GSTA1: variants seen among roughly 807,000 people sequenced by gnomAD.
GSTA1 encodes glutathione S-transferase alpha 1, also known as glutathione S-transferase A1.
A neutral mutation model predicts 21.5 loss-of-function variants in GSTA1; 23 were observed. That is an observed-to-expected ratio of 1.07 (90% CI 0.77 to 1.52). The LOEUF (loss-of-function observed/expected upper bound fraction) is 1.52. Ranked by LOEUF, GSTA1 falls within the 40% of genes most tolerant of loss-of-function variation. GSTA1 has a pLI of 0.00. For missense variants in GSTA1, 301 were observed against 264.2 expected (o/e 1.14, Z -0.96); for synonymous variants, 125 against 90.0 (o/e 1.39, Z -2.20).
chr6:52,795,446 AG>A (rs1763553973), intron 4 of GSTA1, among the ~76,000 whole-genome samples: 1 of 152,192 alleles, frequency 6.6e-6, no homozygotes, highest in Admixed American at 6.5e-5. Context: ...TAAAATATAT[AG>A]TGTGGATGTA....
In GSTA1 at chr6:52,796,267, T is replaced by A; in HGVS notation, c.187A>T (p.Met63Leu). 3 of 1,613,572 alleles carry A rather than the reference T, an allele frequency of 1.9e-6. No homozygotes were observed. The highest frequency in any genetic ancestry group is 2.5e-6 in the Non-Finnish European group (3 of 1,179,924). The change falls in exon 4 of 7, where the codon ATG (methionine) becomes TTG (leucine). Residue 63 changes from methionine (M) to leucine (L), a missense_variant. Coordinates refer to ENST00000334575, the MANE Select transcript of GSTA1 (RefSeq NM_145740.5). ...ATGGCTCTGGTCTGCACCAGCTTCA[T>A]CCCATCAATCTCAACCATTGGCACT... Reference protein sequence around the residue: ...QQVPMVEIDGMKLVQTRAILN... With the variant: ...QQVPMVEIDGLKLVQTRAILN...
chr6:52,799,411 A>G, intron 1 of GSTA1, 114 bp from the exon 2 acceptor site: 4 of 691,160 alleles, frequency 5.8e-6, no homozygotes, highest in Non-Finnish European at 9.5e-6. Flanking sequence ...CTTCTTCATG[A>G]CTGTGTTGGA....
chr6:52,802,340 T>C (rs896376794), intron 1 of GSTA1, among the ~76,000 whole-genome samples: 47 of 152,008 alleles, frequency 3.1e-4, no homozygotes, highest in African/African-American at 1.0e-3. Context: ...TGAGATAAAC[T>C]ATGACTCCTT....
chr6:52,794,009 T>C (rs1581793186), intron 5 of GSTA1, 116 bp downstream of exon 5: 7 of 1,260,810 alleles, frequency 5.6e-6, no homozygotes, highest in Non-Finnish European at 8.0e-6. Flanking sequence ...GAGTGCTGCA[T>C]TGGTGTTCAG....
rs117087749 is a variant in GSTA1, at chr6:52,791,671, A to T, written c.*187T>A. 1,075 of 666,376 alleles carry T rather than the reference A, an allele frequency of 1.6e-3. 15 individuals are homozygous for T. In the East Asian group the frequency reaches 0.028, roughly 17 times the overall value. The allele number at this position is 666,376 out of a possible 1,614,324, so 41.3% of individuals were successfully genotyped here. A position where few individuals can be genotyped will look rare whatever the true frequency, so the allele number is the denominator to read the frequency against. On this transcript the variant is annotated 3_prime_UTR_variant, in exon 7 of 7. Transcript: ENST00000334575. The stretch of plus-strand genomic sequence containing the variant: ...GATTGGAAATCTGAATTCACATCAG[A>T]TCCTAATGAAAACAAATCAATTTTA...
Position 52,797,634 on chromosome 6 carries a change from C to T in GSTA1, c.91G>A (p.Glu31Lys), listed in dbSNP as rs1222731521. ...WLLAAAGVEF[E>K]EKFIKSAEDL... ...TCTGCAGATTTTATAAATTTCTCTT[C>T]AAACTGGAAGCAGAAACAGTAAATA... Residue 31 changes from glutamate to lysine, a missense_variant, in exon 3 of 7, where the codon GAA (glutamate) becomes AAA (lysine). Physicochemically the swap from Glu to Lys is moderately conservative, Grantham distance 56 (BLOSUM62 1). Transcript: ENST00000334575. 1.2e-6 allele frequency: 2 copies of T among 1,606,092 alleles called. No individual in the cohort carries two copies. Among genetic ancestry groups the T allele is most frequent in the Non-Finnish European group, 8.5e-7 (1 of 1,173,200 alleles).
chr6:52,802,735 A>T (rs879853428), intron 1 of GSTA1, among the ~76,000 whole-genome samples: 7 of 152,098 alleles, frequency 4.6e-5, no homozygotes, highest in African/African-American at 7.2e-5. Flanking sequence ...ATCATCTATT[A>T]TCTGTCTTGT....
intron 1 of GSTA1, among the ~76,000 whole-genome samples, chr6:52,799,938 T>C (rs1763675833): frequency 6.6e-6 from 1 of 152,232 alleles, no homozygotes; most frequent in Admixed American, 6.5e-5. Context: ...ACTGTGAGAC[T>C]ACATTTGATC....
intron 1 of GSTA1, 89 bp from the exon 2 acceptor site, chr6:52,799,386 T>A (rs1326685241): frequency 2.5e-6 from 2 of 808,596 alleles, no homozygotes; most frequent in Non-Finnish European, 3.9e-6. Context: ...CCAACAATAC[T>A]GAAGAAGAAC....
intron 1 of GSTA1, among the ~76,000 whole-genome samples, chr6:52,802,563 C>T (rs1000916103): frequency 6.6e-6 from 1 of 152,162 alleles, no homozygotes; most frequent in African/African-American, 2.4e-5. Context: ...TATTGAGTAG[C>T]CCATGGATCC....
At position 52,791,943 on chromosome 6, in the gene GSTA1, T is replaced by G; in HGVS notation, c.584A>C (p.Lys195Thr). ...TGGGCTGCCAGGCTGTAGAAACTTC[T>G]TCACTGTGGGCAGGTTGCTGATTCT... ...KTRISNLPTV[K>T]KFLQPGSPRK... The change falls in exon 7 of 7, where the codon AAG becomes ACG. Residue 195 changes from lysine (K) to threonine (T), a missense_variant. Physicochemically the swap from Lys to Thr is moderately conservative, Grantham distance 78 (BLOSUM62 -1). Coordinates refer to ENST00000334575, the MANE Select transcript of GSTA1 (RefSeq NM_145740.5). 6.2e-7 allele frequency: 1 copy of G among 1,614,016 alleles called. No individual in the cohort carries two copies. The highest frequency in any genetic ancestry group is 8.5e-7 in the Non-Finnish European group (1 of 1,179,876).
chr6:52,796,604 C>T (rs1315511931), intron 3 of GSTA1, among the ~76,000 whole-genome samples: 1 of 140,224 alleles, frequency 7.1e-6, no homozygotes, highest in East Asian at 2.1e-4. Context: ...AGTGGAGTGG[C>T]ATGATCTTGG....
chr6:52,801,072 G>C (rs1427926346), intron 1 of GSTA1, among the ~76,000 whole-genome samples: 1 of 152,014 alleles, frequency 6.6e-6, no homozygotes, highest in African/African-American at 2.4e-5. Context: ...GTGGAGACAG[G>C]GTTTCAGCAT....
At position 52,791,720 on chromosome 6, in the gene GSTA1, T is replaced by C. The variant is rs1581791229; in HGVS notation, c.*138A>G. 2 of 961,792 alleles carry C rather than the reference T, an allele frequency of 2.1e-6. No homozygotes were observed. Among genetic ancestry groups the C allele is most frequent in the Non-Finnish European group, 3.1e-6 (2 of 643,222 alleles). 59.6% of individuals were successfully genotyped at this position (961,792 alleles called of 1,614,324 possible). On this transcript the variant is annotated 3_prime_UTR_variant, in exon 7 of 7. Transcript: ENST00000334575. Reference sequence around the variant, plus strand: ...TAACTAAGTCAGCGAATAGGAGTTGTATTATTTAATTAGCATATAATTTGA... The same window carrying C: ...TAACTAAGTCAGCGAATAGGAGTTGCATTATTTAATTAGCATATAATTTGA...
At chr6:52,802,435 C>G (rs1316126481) in intron 1 of GSTA1, among the ~76,000 whole-genome samples, 1 of 152,078 alleles carries the variant, frequency 6.6e-6, no homozygotes, top group Non-Finnish European at 1.5e-5. Flanking sequence ...GTTATTTCTA[C>G]TTTTGAGGGT....
intron 1 of GSTA1, among the ~76,000 whole-genome samples, chr6:52,800,221 G>A (rs561769220): frequency 1.3e-5 from 2 of 152,300 alleles, no homozygotes; most frequent in Admixed American, 6.5e-5. Flanking sequence ...GATGAATGCA[G>A]TTGTTATTCT....
rs147495077 is a variant in GSTA1, at chr6:52,793,590, G to A, written c.414+535C>T. Among the ~76,000 whole-genome samples the A allele has an allele frequency of 1.6e-3, 250 of 152,168 alleles. 2 individuals carry two copies. Among genetic ancestry groups the A allele is most frequent in the African/African-American group, 5.9e-3 (246 of 41,524 alleles). On this transcript the variant is annotated intron_variant, in intron 5 of 6. Transcript: ENST00000334575. The stretch of plus-strand genomic sequence containing the variant: ...TAATCTGCAAGCTGAAGCGTTTACG[G>A]GTGAACTGCACTGATGTCTGCAACT...
At chr6:52,801,992 C>G (rs1353486405) in intron 1 of GSTA1, among the ~76,000 whole-genome samples, 3 of 152,040 alleles carry the variant, frequency 2.0e-5, no homozygotes, top group Non-Finnish European at 4.4e-5. Flanking sequence ...TTGTATTTTC[C>G]TATTAAATAT....
intron 5 of GSTA1, among the ~76,000 whole-genome samples, chr6:52,793,635 A>C (rs1203781321): frequency 6.6e-6 from 1 of 152,184 alleles, no homozygotes; most frequent in Non-Finnish European, 1.5e-5. Flanking sequence ...ATCCATTTTA[A>C]AAAATCTTCC....
Sources: allele counts gnomAD v4.1 joint callset (sites outside exome capture counted in the v4.1 genomes callset), GRCh38; gene constraint gnomAD v4.1.1; transcripts MANE v1.5; gene names NCBI Gene and HGNC (gene_info 2026-07-23, HGNC 2026-07-21).